CCDC73: variants seen among roughly 807,000 people sequenced by gnomAD.
CCDC73 encodes coiled-coil domain-containing protein 73.
A neutral mutation model predicts 116.5 loss-of-function variants in CCDC73; 95 were observed. The ratio of observed to expected loss-of-function variants is 0.82; its 90% CI spans 0.69 to 0.97. The LOEUF (loss-of-function observed/expected upper bound fraction) is 0.97. CCDC73 is among the 50% of genes least tolerant of loss of function. The pLI is 0.00. For synonymous variants in CCDC73, 398 were observed against 401.3 expected (o/e 0.99, Z 0.10); for missense variants, 1,066 against 1,206.8 (o/e 0.88, Z 1.73).
chr11:32,765,206 T>C (rs1026739221), intron 1 of CCDC73, among the ~76,000 whole-genome samples: 1 of 151,974 alleles, frequency 6.6e-6, no homozygotes, highest in East Asian at 1.9e-4. Flanking sequence ...GACAGCTCAA[T>C]GAGACAGAAA....
At chr11:32,773,735 G>A (rs983915781) in intron 1 of CCDC73, among the ~76,000 whole-genome samples, 1 of 151,078 alleles carries the variant, frequency 6.6e-6, no homozygotes, top group South Asian at 2.1e-4. Context: ...AGCTATGATC[G>A]CATTGCTGCC....
At chr11:32,736,019 T>C (rs921162022) in intron 2 of CCDC73, among the ~76,000 whole-genome samples, 56 of 152,220 alleles carry the variant, frequency 3.7e-4, no homozygotes, top group Non-Finnish European at 6.9e-4. Flanking sequence ...TCAAGATGGA[T>C]TAAAGACTTA....
intron 14 of CCDC73, among the ~76,000 whole-genome samples, chr11:32,629,599 C>T (rs1367597349): frequency 4.0e-5 from 6 of 151,882 alleles, no homozygotes; most frequent in Non-Finnish European, 7.4e-5. Context: ...GGGGTTTCAC[C>T]GTGTTAGCCA....
intron 2 of CCDC73, among the ~76,000 whole-genome samples, chr11:32,740,025 TC>T (rs1304548642): frequency 6.6e-6 from 1 of 152,142 alleles, no homozygotes; most frequent in African/African-American, 2.4e-5. Flanking sequence ...CTGTGATAAA[TC>T]CCACTTGGTC....
intron 6 of CCDC73, 38 bp from the exon 7 acceptor site, chr11:32,683,612 TTAA>T: frequency 2.5e-6 from 3 of 1,212,960 alleles, no homozygotes; most frequent in Non-Finnish European, 3.6e-6. Context: ...TTAAAATACT[TTAA>T]TTATCTACAC....
intron 11 of CCDC73, among the ~76,000 whole-genome samples, chr11:32,653,584 T>C (rs1160487444): frequency 2.0e-5 from 3 of 152,052 alleles, no homozygotes; most frequent in Non-Finnish European, 2.9e-5. Context: ...TGGGCTAGGG[T>C]GTCATGGCAT....
chr11:32,739,683 T>C (rs927603060), intron 2 of CCDC73, among the ~76,000 whole-genome samples: 3 of 152,178 alleles, frequency 2.0e-5, no homozygotes, highest in Admixed American at 6.6e-5. Flanking sequence ...TGGATGCCCT[T>C]TATTTATTCT....
intron 14 of CCDC73, among the ~76,000 whole-genome samples, chr11:32,629,963 TCAGGTTGAAGAAATATACCA>T (rs1052537800): frequency 1.6e-4 from 24 of 150,098 alleles, no homozygotes; most frequent in Non-Finnish European, 3.1e-4. Context: ...AGGAAGTTCT[TCAGGTTGAAGAAATATACCA>T]GGTGGACATG....
At chr11:32,782,494 C>T (rs1406280881) in intron 1 of CCDC73, among the ~76,000 whole-genome samples, 1 of 152,180 alleles carries the variant, frequency 6.6e-6, no homozygotes, top group African/African-American at 2.4e-5. Context: ...AGGCTATATC[C>T]ATGCATACAT....
chr11:32,672,269 G>C (rs2133284030), intron 9 of CCDC73, among the ~76,000 whole-genome samples: 1 of 152,246 alleles, frequency 6.6e-6, no homozygotes, highest in South Asian at 2.1e-4. Flanking sequence ...TTGAACCCAG[G>C]AGGCAGAGGT....
At chr11:32,810,774 A>AT in the CCDC73 span, among the ~76,000 whole-genome samples, 1 of 152,112 alleles carries the variant, frequency 6.6e-6, no homozygotes, top group Non-Finnish European at 1.5e-5. Context: ...TCTCCATTTT[A>AT]TACTTCTACA....
Position 32,635,845 on chromosome 11 carries a change from G to A in CCDC73, c.1051-15C>T. On this transcript the variant is annotated splice_polypyrimidine_tract_variant and intron_variant, in intron 13 of 17. Transcript: ENST00000335185. Reference sequence around the variant, plus strand: ...AGTTCTTCAGCCTATTATAAAAAAGGAACCAGAATAAACAAGTATATCAAG... The same window carrying A: ...AGTTCTTCAGCCTATTATAAAAAAGAAACCAGAATAAACAAGTATATCAAG... 1 of 1,112,846 alleles carries A rather than the reference G, an allele frequency of 9.0e-7. No homozygotes were observed. The highest frequency in any genetic ancestry group is 1.2e-6 in the Non-Finnish European group (1 of 864,568). 68.9% of individuals were successfully genotyped at this position (1,112,846 alleles called of 1,614,324 possible).
chr11:32,779,281 A>AAGGAGG, intron 1 of CCDC73, among the ~76,000 whole-genome samples: 1 of 151,666 alleles, frequency 6.6e-6, no homozygotes, highest in Non-Finnish European at 1.5e-5. Context: ...AAAAAAAAAA[A>AAGGAGG]AGGAGGAAGC....
At chr11:32,762,276 T>C (rs1371648596) in intron 1 of CCDC73, among the ~76,000 whole-genome samples, 1 of 152,126 alleles carries the variant, frequency 6.6e-6, no homozygotes, top group African/African-American at 2.4e-5. Flanking sequence ...CTCAAAAGCA[T>C]CAAAGACTGA....
intron 7 of CCDC73, chr11:32,683,274 T>C: frequency 2.5e-6 from 1 of 403,816 alleles, no homozygotes; most frequent in Admixed American, 4.2e-5. Flanking sequence ...TTTCCAATTT[T>C]GAAGCATTTC....
intron 1 of CCDC73, among the ~76,000 whole-genome samples, chr11:32,764,089 G>C (rs1850418438): frequency 6.6e-6 from 1 of 152,184 alleles, no homozygotes; most frequent in South Asian, 2.1e-4. Flanking sequence ...AATGAACAAA[G>C]CCTCCAAGAA....
intron 6 of CCDC73, among the ~76,000 whole-genome samples, chr11:32,690,924 T>C (rs921073180): frequency 1.3e-5 from 2 of 152,206 alleles, no homozygotes; most frequent in African/African-American, 4.8e-5. Flanking sequence ...GTACATTCTA[T>C]GGGTTTGGAC....
chr11:32,684,505 C>T (rs1210198750), intron 6 of CCDC73, among the ~76,000 whole-genome samples: 2 of 152,160 alleles, frequency 1.3e-5, no homozygotes, highest in Non-Finnish European at 2.9e-5. Flanking sequence ...AATGGCTACA[C>T]AGTATTCCAT....
rs747156618 is a variant in CCDC73 at position 32,755,576 on chromosome 11, CAT to C, written c.135+4531_135+4532del. Among the ~76,000 whole-genome samples the C allele has an allele frequency of 6.1e-3, 394 of 64,174 alleles. 31 individuals carry two copies. Among genetic ancestry groups the C allele is most frequent in the African/African-American group, 0.021 (374 of 17,714 alleles). 42.1% of individuals were successfully genotyped at this position (64,174 alleles called of 152,430 possible). A position where few individuals can be genotyped will look rare whatever the true frequency, so the allele number is the denominator to read the frequency against. On this transcript the variant is annotated intron_variant, in intron 2 of 17. Coordinates refer to ENST00000335185, the MANE Select transcript of CCDC73 (RefSeq NM_001008391.4). The stretch of plus-strand genomic sequence containing the variant: ...ATATATATATATGTACATATATATC[CAT>C]ATATATGTGTGTATATATATATCCA...
Sources: allele counts gnomAD v4.1 joint callset (sites outside exome capture counted in the v4.1 genomes callset), GRCh38; gene constraint gnomAD v4.1.1; transcripts MANE v1.5; gene names NCBI Gene and HGNC (gene_info 2026-07-23, HGNC 2026-07-21).